Variants in DGKB observed in about 807,000 individuals in gnomAD.
The protein encoded by DGKB is 90 kDa diacylglycerol kinase.
A neutral mutation model predicts 114.3 loss-of-function variants in DGKB; 67 were observed. The observed-to-expected ratio is 0.59, with a 90% CI of 0.48 to 0.72. The LOEUF (loss-of-function observed/expected upper bound fraction) is 0.72. DGKB is among the 30% of genes least tolerant of loss of function. The probability of loss-of-function intolerance (pLI) is 0.00; values close to 1 mark genes in which losing one functional copy is unlikely to be tolerated. For synonymous variants in DGKB, 398 were observed against 323.1 expected (o/e 1.23, Z -2.49); for missense variants, 907 against 975.2 (o/e 0.93, Z 0.93).
intron 13 of DGKB, among the ~76,000 whole-genome samples, chr7:14,655,535 T>A (rs1815596126): frequency 6.6e-6 from 1 of 151,790 alleles, no homozygotes; most frequent in Non-Finnish European, 1.5e-5. Context: ...TGTTATTGGG[T>A]ATTTAGCCAA....
intron 1 of DGKB, among the ~76,000 whole-genome samples, chr7:14,852,995 A>G (rs775623267): frequency 2.6e-4 from 40 of 152,206 alleles, no homozygotes; most frequent in Non-Finnish European, 3.5e-4. Flanking sequence ...AAAAATTATA[A>G]ATTCAGTAAC....
intron 25 of DGKB, among the ~76,000 whole-genome samples, chr7:14,170,197 G>GAAAA: frequency 7.2e-6 from 1 of 138,188 alleles, no homozygotes; most frequent in East Asian, 2.1e-4. Context: ...AAGAAAGAAA[G>GAAAA]AAAGAAATAC....
chr7:14,843,623 C>G (rs1025439902), intron 1 of DGKB, among the ~76,000 whole-genome samples: 62 of 152,232 alleles, frequency 4.1e-4, no homozygotes, highest in African/African-American at 1.5e-3. Flanking sequence ...CGTGAGCCAC[C>G]GCGCCCAGCC....
chr7:14,516,914 T>C (rs1008671383), intron 20 of DGKB, among the ~76,000 whole-genome samples: 3 of 151,924 alleles, frequency 2.0e-5, no homozygotes, highest in African/African-American at 7.3e-5. Flanking sequence ...ACTATTCCTA[T>C]CAAACTAACT....
At chr7:14,777,306 G>C (rs1838344847) in intron 2 of DGKB, among the ~76,000 whole-genome samples, 1 of 152,148 alleles carries the variant, frequency 6.6e-6, no homozygotes, top group African/African-American at 2.4e-5. Context: ...TTGGGGGACT[G>C]TTGGGAAGGC....
At chr7:14,533,471 G>C (rs985814939) in intron 20 of DGKB, among the ~76,000 whole-genome samples, 2 of 151,326 alleles carry the variant, frequency 1.3e-5, no homozygotes, top group Admixed American at 1.3e-4. Flanking sequence ...GAAAAGGGAA[G>C]AAAACTTATT....
intron 2 of DGKB, among the ~76,000 whole-genome samples, chr7:14,761,424 T>C (rs1034123052): frequency 6.6e-6 from 1 of 152,204 alleles, no homozygotes; most frequent in African/African-American, 2.4e-5. Context: ...CACACATTTA[T>C]CTTATTTGTA....
At chr7:14,603,289 T>C (rs1355466461) in intron 17 of DGKB, among the ~76,000 whole-genome samples, 1 of 152,026 alleles carries the variant, frequency 6.6e-6, no homozygotes, top group Non-Finnish European at 1.5e-5. Context: ...AAGGATAGAG[T>C]TGAGTGCTTC....
intron 2 of DGKB, among the ~76,000 whole-genome samples, chr7:14,827,446 G>A (rs1302741496): frequency 6.6e-6 from 1 of 151,388 alleles, no homozygotes; most frequent in Non-Finnish European, 1.5e-5. Context: ...GACAGACACA[G>A]ACAGACAGAC....
chr7:14,411,235 G>A (rs1016057184), intron 21 of DGKB, among the ~76,000 whole-genome samples: 2 of 152,158 alleles, frequency 1.3e-5, no homozygotes, highest in African/African-American at 4.8e-5. Flanking sequence ...GTCTAAGTTA[G>A]GCTAGACTAA....
intron 1 of DGKB, among the ~76,000 whole-genome samples, chr7:14,843,681 T>A (rs1443533803): frequency 6.6e-6 from 1 of 152,216 alleles, no homozygotes; most frequent in African/African-American, 2.4e-5. Flanking sequence ...AATAAGTTTT[T>A]AATTGCCAAC....
chr7:14,233,015 C>G (rs1026357308), intron 23 of DGKB, among the ~76,000 whole-genome samples: 4 of 152,106 alleles, frequency 2.6e-5, no homozygotes, highest in Middle Eastern at 3.4e-3. Flanking sequence ...TTTGTTTTTG[C>G]TACACAAAGA....
intron 21 of DGKB, among the ~76,000 whole-genome samples, chr7:14,461,544 A>G (rs1833084629): frequency 6.6e-6 from 1 of 152,180 alleles, no homozygotes; most frequent in East Asian, 1.9e-4. Flanking sequence ...CCCTCCCAAG[A>G]CTAAACCAGG....
intron 21 of DGKB, among the ~76,000 whole-genome samples, chr7:14,462,760 C>T (rs997546740): frequency 3.9e-5 from 6 of 152,042 alleles, no homozygotes; most frequent in Non-Finnish European, 8.8e-5. Context: ...TCATATGGAG[C>T]CAAAAAGGAG....
intron 23 of DGKB, among the ~76,000 whole-genome samples, chr7:14,304,087 A>ACACACACACACACTCTCT (rs140836395): frequency 0.064 from 6,994 of 109,716 alleles, 324 homozygotes; most frequent in Admixed American, 0.089. Flanking sequence ...ACACACACAC[A>ACACACACACACACTCTCT]CTCTCTCTCT....
chr7:14,605,673 A>G (rs956282072), intron 17 of DGKB, among the ~76,000 whole-genome samples: 5 of 152,066 alleles, frequency 3.3e-5, no homozygotes, highest in African/African-American at 1.2e-4. Flanking sequence ...CATGTAGTAC[A>G]TATTTAAAGT....
intron 21 of DGKB, among the ~76,000 whole-genome samples, chr7:14,361,035 T>A (rs922759564): frequency 3.3e-5 from 5 of 152,062 alleles, no homozygotes; most frequent in Admixed American, 6.6e-5. Flanking sequence ...TTATTTCCCT[T>A]ACCTATATTC....
chr7:14,770,293 A>G (rs56656737), intron 2 of DGKB, among the ~76,000 whole-genome samples: 1 of 151,946 alleles, frequency 6.6e-6, no homozygotes, highest in Non-Finnish European at 1.5e-5. Context: ...AAGAAGGTCA[A>G]GAATCGGGTT....
At chr7:14,831,765 G>C (rs895325279) in intron 2 of DGKB, among the ~76,000 whole-genome samples, 2 of 152,004 alleles carry the variant, frequency 1.3e-5, no homozygotes, top group Non-Finnish European at 2.9e-5. Flanking sequence ...TCCACAGTCT[G>C]GGCAATGGTC....
Sources: allele counts gnomAD v4.1 joint callset (sites outside exome capture counted in the v4.1 genomes callset), GRCh38; gene constraint gnomAD v4.1.1; transcripts MANE v1.5; gene names NCBI Gene and HGNC (gene_info 2026-07-23, HGNC 2026-07-21).